The following PHKB variants were observed in gnomAD, a reference collection of about 807,000 sequenced individuals.
The protein encoded by PHKB is phosphorylase kinase regulatory subunit beta.
Under a neutral mutation model 152.1 loss-of-function variants are expected in PHKB, and 122 were observed. That is an observed-to-expected ratio of 0.80 (90% CI 0.69 to 0.93). PHKB has a LOEUF of 0.93. Ranked by LOEUF, PHKB falls within the 40% of genes least tolerant of loss-of-function variation. The probability of loss-of-function intolerance (pLI) is 0.00; values close to 1 mark genes in which losing one functional copy is unlikely to be tolerated. For missense variants in PHKB, 1,304 were observed against 1,328.4 expected (o/e 0.98, Z 0.29); for synonymous variants, 436 against 464.9 (o/e 0.94, Z 0.80).
At chr16:47,674,409 A>G (rs976977076) in intron 26 of PHKB, among the ~76,000 whole-genome samples, 5 of 152,318 alleles carry the variant, frequency 3.3e-5, no homozygotes, top group African/African-American at 4.8e-5. Context: ...TGAAACCACA[A>G]TTGCTTTGCA....
At chr16:47,573,479 G>A (rs1225109953) in intron 7 of PHKB, among the ~76,000 whole-genome samples, 1 of 152,184 alleles carries the variant, frequency 6.6e-6, no homozygotes, top group Non-Finnish European at 1.5e-5. Flanking sequence ...AATCCTCAGG[G>A]AGGGGAGAGG....
At chr16:47,565,560 A>G (rs912996523) in intron 7 of PHKB, 1 of 1,108,058 alleles carries the variant, frequency 9.0e-7, no homozygotes, top group Non-Finnish European at 1.4e-6. Flanking sequence ...CTTCCTCCTT[A>G]TTGAGTGTTT....
At chr16:47,465,255 A>C (rs1048889964) in intron 1 of PHKB, among the ~76,000 whole-genome samples, 3 of 152,228 alleles carry the variant, frequency 2.0e-5, no homozygotes, top group African/African-American at 7.2e-5. Context: ...TTCTTTCCTT[A>C]TAAGCACCAA....
At chr16:47,483,161 C>T (rs929166176) in intron 1 of PHKB, among the ~76,000 whole-genome samples, 2 of 150,668 alleles carry the variant, frequency 1.3e-5, no homozygotes, top group African/African-American at 2.4e-5. Context: ...GCCTCAGCCT[C>T]CCGAGTAGCT....
chr16:47,557,378 C>T (rs1179680748), intron 7 of PHKB, among the ~76,000 whole-genome samples: 1 of 152,174 alleles, frequency 6.6e-6, no homozygotes, highest in African/African-American at 2.4e-5. Context: ...CCAAAATTGA[C>T]AAATGGGACC....
At chr16:47,671,651 G>A (rs145040617) in intron 26 of PHKB, among the ~76,000 whole-genome samples, 1 of 151,992 alleles carries the variant, frequency 6.6e-6, no homozygotes, top group African/African-American at 2.4e-5. Flanking sequence ...TTGCCTATTT[G>A]GCAATATCTG....
At chr16:47,489,957 A>G (rs934511717) in intron 1 of PHKB, among the ~76,000 whole-genome samples, 1 of 152,366 alleles carries the variant, frequency 6.6e-6, no homozygotes, top group East Asian at 1.9e-4. Context: ...GAGAGAAACA[A>G]ACATGCTCCA....
At chr16:47,626,669 G>T (rs1972715795) in intron 14 of PHKB, among the ~76,000 whole-genome samples, 1 of 152,294 alleles carries the variant, frequency 6.6e-6, no homozygotes, top group East Asian at 1.9e-4. Flanking sequence ...TTCTGGGACT[G>T]CCACTAACTT....
At chr16:47,521,558 A>G (rs1024905532) in intron 6 of PHKB, among the ~76,000 whole-genome samples, 3 of 151,990 alleles carry the variant, frequency 2.0e-5, no homozygotes, top group Non-Finnish European at 4.4e-5. Flanking sequence ...GAGAGGCTGA[A>G]ACAGGAGAAT....
chr16:47,499,029 G>A (rs1381867227), intron 2 of PHKB, among the ~76,000 whole-genome samples: 1 of 152,094 alleles, frequency 6.6e-6, no homozygotes, highest in African/African-American at 2.4e-5. Flanking sequence ...TAGTGTTTGT[G>A]TTTTCCTATT....
At chr16:47,636,630 G>A (rs1319298327) in intron 14 of PHKB, among the ~76,000 whole-genome samples, 4 of 152,240 alleles carry the variant, frequency 2.6e-5, no homozygotes, top group Non-Finnish European at 5.9e-5. Context: ...CGCACGCTCA[G>A]GGCAGTGTTG....
chr16:47,603,128 T>C (rs1972261922), intron 13 of PHKB, among the ~76,000 whole-genome samples: 3 of 152,198 alleles, frequency 2.0e-5, no homozygotes, highest in African/African-American at 7.2e-5. Context: ...TCATCAAGTG[T>C]CCCCTAGTGT....
chr16:47,639,447 G>T (rs1268352048), intron 14 of PHKB, among the ~76,000 whole-genome samples: 1 of 152,176 alleles, frequency 6.6e-6, no homozygotes, highest in Non-Finnish European at 1.5e-5. Flanking sequence ...GGTCCCACTT[G>T]GGCTGGAGTT....
intron 1 of PHKB, among the ~76,000 whole-genome samples, chr16:47,477,006 G>T (rs1422792691): frequency 1.3e-5 from 2 of 152,150 alleles, no homozygotes; most frequent in African/African-American, 4.8e-5. Flanking sequence ...TCCCAGGAGG[G>T]TCACTCTCTT....
intron 26 of PHKB, among the ~76,000 whole-genome samples, chr16:47,677,299 G>T (rs1973749302): frequency 6.6e-6 from 1 of 152,122 alleles, no homozygotes; most frequent in African/African-American, 2.4e-5. Context: ...TCATCAAATT[G>T]TATTCCTCTC....
chr16:47,688,936 A>G, intron 26 of PHKB, 105 bp from the exon 27 acceptor site: 1 of 1,225,648 alleles, frequency 8.2e-7, no homozygotes, highest in Non-Finnish European at 1.2e-6. Flanking sequence ...CCTCTTCTTC[A>G]TTCTCCTTTG....
intron 27 of PHKB, among the ~76,000 whole-genome samples, chr16:47,690,584 T>C (rs1477137079): frequency 2.0e-5 from 3 of 152,194 alleles, no homozygotes; most frequent in African/African-American, 7.2e-5. Context: ...CATTCTTACA[T>C]ACCCATGAGT....
chr16:47,612,575 GTAC>G (rs1423003447), intron 14 of PHKB, among the ~76,000 whole-genome samples: 2 of 152,174 alleles, frequency 1.3e-5, no homozygotes, highest in South Asian at 4.1e-4. Context: ...AAATTACTTT[GTAC>G]TGCTGCTACT....
intron 15 of PHKB, among the ~76,000 whole-genome samples, chr16:47,641,351 A>G (rs962800011): frequency 1.3e-5 from 2 of 152,204 alleles, no homozygotes; most frequent in African/African-American, 4.8e-5. Context: ...CGAGAAATTC[A>G]TGCAAACACA....
Sources: gnomAD v4.1 joint callset for allele counts (sites outside exome capture counted in the v4.1 genomes callset) on GRCh38, gnomAD v4.1.1 for gene constraint, MANE v1.5 for transcripts, NCBI Gene and HGNC (gene_info 2026-07-23, HGNC 2026-07-21) for gene names.